DNAH8: variants seen among roughly 807,000 people sequenced by gnomAD.
DNAH8 encodes the protein axonemal beta dynein heavy chain 8.
A neutral mutation model predicts 562.1 loss-of-function variants in DNAH8; 382 were observed. The observed-to-expected ratio is 0.68, with a 90% CI of 0.63 to 0.74. The LOEUF is 0.74. Among genes scored for constraint, DNAH8 ranks in the 30% least tolerant of loss-of-function variants. DNAH8 has a pLI of 0.00. For missense variants in DNAH8, 5,203 were observed against 5,620.4 expected (o/e 0.93, Z 2.37); for synonymous variants, 1,881 against 1,919.4 (o/e 0.98, Z 0.52).
rs1489945026 is a variant in DNAH8, at chr6:38,929,583, A to G, written c.11191A>G (p.Ile3731Val). ...DSLSLGRPLL[I>V]EDIHEELDPA... is the part of the protein sequence containing the mutation. ...CCTTTCCTTGGGCCGACCCCTTCTCATTGAGGACATTCATGAAGAGCTGGA... is the reference window on the plus strand; with the variant it reads ...CCTTTCCTTGGGCCGACCCCTTCTCGTTGAGGACATTCATGAAGAGCTGGA... Residue 3731 changes from isoleucine to valine, a missense_variant, in exon 75 of 93, where the codon ATT (isoleucine) becomes GTT (valine). Coordinates refer to ENST00000327475, the MANE Select transcript of DNAH8 (RefSeq NM_001206927.2). The G allele has an allele frequency of 1.2e-6, 2 of 1,612,778 alleles. No homozygotes were observed. Among genetic ancestry groups the G allele is most frequent in the East Asian group, 2.2e-5 (1 of 44,840 alleles).
chr6:38,728,057 C>A (rs1763368155), intron 3 of DNAH8, among the ~76,000 whole-genome samples: 1 of 152,116 alleles, frequency 6.6e-6, no homozygotes, highest in Non-Finnish European at 1.5e-5. Flanking sequence ...CCTCAACCTC[C>A]CAGACTCGGG....
At chr6:39,025,941 A>G (rs1561988889) in intron 91 of DNAH8, among the ~76,000 whole-genome samples, 1 of 152,252 alleles carries the variant, frequency 6.6e-6, no homozygotes, top group Non-Finnish European at 1.5e-5. Context: ...TATTAACTTC[A>G]AAGAAAAGCC....
chr6:39,017,228 T>C (rs1766624903), intron 91 of DNAH8, among the ~76,000 whole-genome samples: 1 of 152,156 alleles, frequency 6.6e-6, no homozygotes. Flanking sequence ...AGATTGTTTT[T>C]CTCGGGTGTC....
chr6:38,858,430 T>C (rs1776365744), intron 42 of DNAH8, among the ~76,000 whole-genome samples: 1 of 152,226 alleles, frequency 6.6e-6, no homozygotes, highest in Admixed American at 6.5e-5. Context: ...TTTTGAAGTT[T>C]TACCAAAAGT....
chr6:38,732,005 C>A (rs1763694288), intron 4 of DNAH8, among the ~76,000 whole-genome samples: 1 of 152,154 alleles, frequency 6.6e-6, no homozygotes, highest in Non-Finnish European at 1.5e-5. Flanking sequence ...TGTGAGCCAC[C>A]ACACCCAGCC....
At chr6:38,930,843 T>G (rs1392587026) in intron 75 of DNAH8, among the ~76,000 whole-genome samples, 1 of 152,166 alleles carries the variant, frequency 6.6e-6, no homozygotes, top group Admixed American at 6.5e-5. Flanking sequence ...ATGCTGTACC[T>G]TAGATACCTG....
chr6:38,908,865 T>A (rs1424228747), intron 64 of DNAH8, among the ~76,000 whole-genome samples: 1 of 152,208 alleles, frequency 6.6e-6, no homozygotes, highest in Non-Finnish European at 1.5e-5. Flanking sequence ...GCTCCATTCC[T>A]GGTGCTTAGT....
intron 79 of DNAH8, among the ~76,000 whole-genome samples, chr6:38,944,205 G>C (rs1330248583): frequency 6.6e-6 from 1 of 152,172 alleles, no homozygotes; most frequent in Non-Finnish European, 1.5e-5. Flanking sequence ...TAGCAATACT[G>C]TTGCTCCAGT....
Position 38,989,716 on chromosome 6 carries a change from A to G in DNAH8, c.13054-296A>G, listed in dbSNP as rs367957488. 3.3e-5 allele frequency among the ~76,000 whole-genome samples: 5 copies of G among 152,274 alleles called. No homozygotes were observed. In the East Asian group the frequency reaches 9.7e-4, roughly 29 times the overall value. ...AGTATGTTCCTATTCCTAAAATGGA[A>G]TTGAGGGTTGTCAAATGACTCAATC... On this transcript the variant is annotated intron_variant, in intron 87 of 92. Transcript: ENST00000327475.
In DNAH8 at chr6:38,869,148, A is replaced by T. The variant is rs76601092; in HGVS notation, c.6828+952A>T. On this transcript the variant is annotated intron_variant, in intron 48 of 92. Transcript: ENST00000327475. ...ATCTGTGGAGTTCATTAGTGTTACA[A>T]AGTCTTTTCAGGTGTATCGTCTTAT... Among the ~76,000 whole-genome samples, 1,556 of 152,264 alleles carry T rather than the reference A, an allele frequency of 0.01. 88 individuals are homozygous for T. In the East Asian group the frequency reaches 0.15, roughly 14 times the overall value.
At chr6:38,774,424 G>A (rs1022331390) in intron 12 of DNAH8, among the ~76,000 whole-genome samples, 2 of 151,932 alleles carry the variant, frequency 1.3e-5, no homozygotes, top group East Asian at 2.0e-4. Context: ...CATTGATAGA[G>A]AGATGTTGAA....
chr6:38,729,280 A>G (rs910200970), intron 3 of DNAH8, among the ~76,000 whole-genome samples: 2 of 152,180 alleles, frequency 1.3e-5, no homozygotes, highest in Non-Finnish European at 1.5e-5. Context: ...GTATGGGAAT[A>G]AGTGGGATTA....
intron 9 of DNAH8, among the ~76,000 whole-genome samples, chr6:38,751,539 G>A (rs72859705): frequency 0.18 from 27,811 of 151,930 alleles, 3,304 homozygotes; most frequent in Non-Finnish European, 0.27. Flanking sequence ...ATCATGGTGA[G>A]GTGACTTTGC....
intron 91 of DNAH8, among the ~76,000 whole-genome samples, chr6:39,018,277 G>A (rs185542185): frequency 1.1e-3 from 172 of 152,266 alleles, no homozygotes; most frequent in African/African-American, 3.9e-3. Context: ...CTAGTCCTTT[G>A]TAATCTGGCT....
chr6:38,823,645 G>T lies in DNAH8; in HGVS notation c.3804G>T (p.Glu1268Asp), dbSNP rs773699478. ...HYATFEQEID[E>D]LKPIIVVGAL... is the part of the protein sequence containing the mutation. The stretch of plus-strand genomic sequence containing the variant: ...CTACTTTTGAACAGGAGATTGATGA[G>T]TTGAAGCCTATTATTGTTGTAGGAG... Residue 1268 changes from glutamate to aspartate, a missense_variant, in exon 28 of 93, where the codon GAG becomes GAT. Transcript: ENST00000327475. 2.5e-5 allele frequency: 40 copies of T among 1,606,472 alleles called. No individual in the cohort carries two copies. Among genetic ancestry groups the T allele is most frequent in the Non-Finnish European group, 3.4e-5 (40 of 1,173,580 alleles).
intron 82 of DNAH8, among the ~76,000 whole-genome samples, chr6:38,961,805 T>C (rs147167906): frequency 2.8e-4 from 43 of 152,162 alleles, no homozygotes; most frequent in African/African-American, 9.4e-4. Flanking sequence ...GCCACTGTTA[T>C]TTAGCATTGT....
At position 38,924,018 on chromosome 6, in the gene DNAH8, G is replaced by A. The variant is rs79890174; in HGVS notation, c.10818G>A (p.Thr3606=). 2.2e-4 allele frequency: 349 copies of A among 1,613,914 alleles called. No individual in the cohort carries two copies. In the African/African-American group the frequency reaches 4.1e-3, roughly 19 times the overall value. Residue 3606 remains threonine (T), a synonymous_variant, in exon 73 of 93, where the codon ACG becomes ACA. Transcript: ENST00000327475. ...TTGTAGGTGATATTCTGCTGTGCAC[G>A]GGATTCCTTTCCTACCTTGGTCCTT... The part of the protein sequence containing the change: ...NRLVGDILLC[T]GFLSYLGPFN...
At chr6:38,919,920 A>C (rs1781579561) in intron 70 of DNAH8, among the ~76,000 whole-genome samples, 1 of 152,214 alleles carries the variant, frequency 6.6e-6, no homozygotes, top group African/African-American at 2.4e-5. Flanking sequence ...GGAAATCGGA[A>C]TAGAGCCAAT....
chr6:38,750,380 A>T, intron 8 of DNAH8, 96 bp from the exon 9 acceptor site: 1 of 635,504 alleles, frequency 1.6e-6, no homozygotes, highest in South Asian at 2.5e-5. Context: ...CCATTTTAGT[A>T]TATGTATGAT....
Sources: allele counts gnomAD v4.1 joint callset (sites outside exome capture counted in the v4.1 genomes callset), GRCh38; gene constraint gnomAD v4.1.1; transcripts MANE v1.5; gene names NCBI Gene and HGNC (gene_info 2026-07-23, HGNC 2026-07-21).